Variants in UNC13C observed in about 807,000 individuals in gnomAD.
The protein encoded by UNC13C is unc-13 homolog C.
Under a neutral mutation model 245.4 loss-of-function variants are expected in UNC13C, and 174 were observed. The observed-to-expected ratio is 0.71, with a 90% confidence interval of 0.63 to 0.80. The LOEUF (loss-of-function observed/expected upper bound fraction) is 0.80, where lower values mean the gene tolerates loss of function less well. UNC13C is among the 30% of genes least tolerant of loss of function. The pLI, the probability that UNC13C is intolerant of heterozygous loss-of-function variation, is 0.00. For synonymous variants in UNC13C, 992 were observed against 895.1 expected, an observed-to-expected ratio of 1.11 and a Z score of -1.93; for missense variants, 2,829 against 2,602.9, an observed-to-expected ratio of 1.09 and a Z score of -1.89.
intron 4 of UNC13C, among the ~76,000 whole-genome samples, chr15:54,155,765 C>T (rs1393317408): frequency 6.6e-6 from 1 of 152,118 alleles, no homozygotes; most frequent in Non-Finnish European, 1.5e-5. Context: ...ATTTGGAGTT[C>T]TCAGTGCAGA....
chr15:54,008,367 T>A (rs1895235419), intron 1 of UNC13C, among the ~76,000 whole-genome samples: 1 of 152,200 alleles, frequency 6.6e-6, no homozygotes, highest in Admixed American at 6.5e-5. Flanking sequence ...TTACAATTAT[T>A]GTGAGAATGA....
intron 28 of UNC13C, among the ~76,000 whole-genome samples, chr15:54,552,181 A>G (rs1376935075): frequency 6.9e-6 from 1 of 144,932 alleles, no homozygotes. Flanking sequence ...TTTATTCAAC[A>G]ATTTGACATT....
chr15:54,616,384 C>T lies in UNC13C; in HGVS notation c.6107-5943C>T, dbSNP rs79463836. Among the ~76,000 whole-genome samples, 14 of 147,862 alleles carry T rather than the reference C, an allele frequency of 9.5e-5. No homozygotes were observed. The East Asian group carries it at 2.5e-3, about 27-fold the overall frequency. The stretch of plus-strand genomic sequence containing the variant: ...GTCCCATAAGATTATAATAACATAA[C>T]ACCACACATGTTTGTGGTAATGATG... On this transcript the variant is annotated intron_variant, in intron 30 of 32. Transcript: ENST00000260323.
chr15:54,048,502 T>A, intron 2 of UNC13C: 1 of 599,126 alleles, frequency 1.7e-6, no homozygotes, highest in Non-Finnish European at 3.2e-6. Flanking sequence ...CCTGTATGTT[T>A]CCACTAAACC....
chr15:54,013,961 A>G lies in UNC13C; in HGVS notation c.1058A>G (p.Asn353Ser), dbSNP rs1423217893. Residue 353 changes from asparagine to serine, a missense_variant, in exon 2 of 33, where the codon AAT becomes AGT. Asn to Ser is a conservative substitution (Grantham distance 46). Transcript: ENST00000260323. ...AAAATGGGTTTTTCAGATGCACCAA[A>G]TGCTATTAAAATTGAATTTGCTCAG... Reference protein sequence around the residue: ...IDKMGFSDAPNAIKIEFAQRI... With the variant: ...IDKMGFSDAPSAIKIEFAQRI... 17 of 1,613,688 alleles carry G rather than the reference A, an allele frequency of 1.1e-5. No homozygotes were observed. The highest frequency in any genetic ancestry group is 1.3e-5 in the Non-Finnish European group (15 of 1,179,842).
At chr15:54,600,808 G>C (rs905661221) in intron 30 of UNC13C, among the ~76,000 whole-genome samples, 1 of 151,880 alleles carries the variant, frequency 6.6e-6, no homozygotes, top group Non-Finnish European at 1.5e-5. Context: ...GTCCATCATG[G>C]ACCAAGCACC....
At chr15:54,141,708 A>G (rs1036664062) in intron 2 of UNC13C, among the ~76,000 whole-genome samples, 2 of 151,994 alleles carry the variant, frequency 1.3e-5, no homozygotes, top group African/African-American at 4.8e-5. Context: ...TTCTGCGGTA[A>G]TGCTAAATTT....
Position 54,333,783 on chromosome 15 carries a change from G to T in UNC13C, c.4511G>T (p.Ser1504Ile). The change falls in exon 16 of 33, where the codon AGC (serine) becomes ATC (isoleucine). Residue 1504 changes from serine to isoleucine, a missense_variant. By Grantham distance (142) the Ser-to-Ile change is moderately radical. Transcript: ENST00000260323. Reference sequence around the variant, plus strand: ...ATTAACCAGGAAAACTTTCCTGCAAGCAATACTGAAAGACTGCAAGACCTG... The same window carrying T: ...ATTAACCAGGAAAACTTTCCTGCAATCAATACTGAAAGACTGCAAGACCTG... ...LSKYRENFPA[S>I]NTERLQDLKS... The T allele has an allele frequency of 6.2e-7, 1 of 1,604,110 alleles. No homozygotes were observed. Among genetic ancestry groups the T allele is most frequent in the Non-Finnish European group, 8.5e-7 (1 of 1,174,690 alleles).
intron 29 of UNC13C, among the ~76,000 whole-genome samples, chr15:54,563,375 A>G (rs1182568155): frequency 1.3e-5 from 2 of 152,044 alleles, no homozygotes; most frequent in South Asian, 4.1e-4. Flanking sequence ...CAACTCCTCC[A>G]TAGTCCTTCA....
At chr15:54,452,728 G>A (rs1184566475) in intron 19 of UNC13C, among the ~76,000 whole-genome samples, 1 of 152,222 alleles carries the variant, frequency 6.6e-6, no homozygotes, top group African/African-American at 2.4e-5. Flanking sequence ...CTGTGGCCCT[G>A]CTACTGCTAA....
chr15:54,348,865 T>G (rs2038918152), intron 17 of UNC13C, among the ~76,000 whole-genome samples: 1 of 152,064 alleles, frequency 6.6e-6, no homozygotes, highest in African/African-American at 2.4e-5. Context: ...TAAATAGTAA[T>G]CATTACAAAA....
At chr15:54,297,035 C>T (rs941796888) in intron 11 of UNC13C, among the ~76,000 whole-genome samples, 4 of 152,172 alleles carry the variant, frequency 2.6e-5, no homozygotes, top group Admixed American at 2.6e-4. Context: ...CTTTATAAAT[C>T]ACTGACAATG....
intron 2 of UNC13C, among the ~76,000 whole-genome samples, chr15:54,110,335 G>C (rs186736495): frequency 6.6e-6 from 1 of 151,756 alleles, no homozygotes; most frequent in Non-Finnish European, 1.5e-5. Flanking sequence ...AATCTGGGAA[G>C]TCCCACAGAA....
At chr15:54,388,218 A>G (rs983136808) in intron 17 of UNC13C, among the ~76,000 whole-genome samples, 1 of 152,036 alleles carries the variant, frequency 6.6e-6, no homozygotes, top group Admixed American at 6.6e-5. Flanking sequence ...CTCCAGACCA[A>G]AATATATATT....
At chr15:54,056,225 G>A (rs1038407572) in intron 2 of UNC13C, among the ~76,000 whole-genome samples, 2 of 151,896 alleles carry the variant, frequency 1.3e-5, no homozygotes, top group South Asian at 2.1e-4. Flanking sequence ...AAAATTAGAC[G>A]AATGGATAAC....
At chr15:54,149,180 T>C (rs1276748482) in intron 4 of UNC13C, among the ~76,000 whole-genome samples, 1 of 152,204 alleles carries the variant, frequency 6.6e-6, no homozygotes, top group African/African-American at 2.4e-5. Context: ...ATTTTACATT[T>C]CCTGAGGTCT....
chr15:54,294,176 T>C, intron 11 of UNC13C, 112 bp downstream of exon 11: 1 of 928,326 alleles, frequency 1.1e-6, no homozygotes, highest in African/African-American at 1.7e-5. Context: ...TCCAGGACAT[T>C]CTGTTGAACT....
intron 2 of UNC13C, among the ~76,000 whole-genome samples, chr15:54,103,680 A>G (rs1435358147): frequency 2.0e-5 from 3 of 151,962 alleles, no homozygotes; most frequent in African/African-American, 2.4e-5. Flanking sequence ...TACCTGTGCC[A>G]TCACCATCAG....
chr15:54,568,517 C>A (rs1414830884), intron 30 of UNC13C, among the ~76,000 whole-genome samples: 2 of 152,036 alleles, frequency 1.3e-5, no homozygotes, highest in African/African-American at 4.8e-5. Flanking sequence ...AAGTTTCCAC[C>A]TCATAAGCTT....
Sources: allele counts gnomAD v4.1 joint callset (sites outside exome capture counted in the v4.1 genomes callset), GRCh38; gene constraint gnomAD v4.1.1; transcripts MANE v1.5; gene names NCBI Gene and HGNC (gene_info 2026-07-23, HGNC 2026-07-21).